TDRD9: variants seen among roughly 807,000 people sequenced by gnomAD.
TDRD9 encodes the protein tudor domain containing 9, also known as ATP-dependent RNA helicase TDRD9.
Under a neutral mutation model 172.6 loss-of-function variants are expected in TDRD9, and 124 were observed. That is an observed-to-expected ratio of 0.72 (90% CI 0.62 to 0.83). The LOEUF (loss-of-function observed/expected upper bound fraction) is 0.83. Ranked by LOEUF, TDRD9 falls within the 40% of genes least tolerant of loss-of-function variation. The pLI is 0.00. For missense variants in TDRD9, 1,479 were observed against 1,714.1 expected (o/e 0.86, Z 2.42); for synonymous variants, 619 against 617.1 (o/e 1.00, Z -0.05).
At chr14:104,022,356 C>T (rs2034982346) in intron 24 of TDRD9, 26 bp downstream of exon 24, 1 of 1,600,108 alleles carries the variant, frequency 6.2e-7, no homozygotes, top group South Asian at 1.1e-5. Context: ...AGGTGGCAGA[C>T]AGGCCGTGCC....
intron 20 of TDRD9, among the ~76,000 whole-genome samples, chr14:104,008,807 G>A (rs1216833007): frequency 6.6e-6 from 1 of 152,188 alleles, no homozygotes; most frequent in Non-Finnish European, 1.5e-5. Flanking sequence ...CCAGCTTCTG[G>A]GAAAGCTGAG....
chr14:104,050,990 C>G (rs1336254820), intron 35 of TDRD9, among the ~76,000 whole-genome samples: 1 of 152,164 alleles, frequency 6.6e-6, no homozygotes, highest in Non-Finnish European at 1.5e-5. Context: ...ATTTTAGATT[C>G]AAGGGGTACA....
chr14:103,939,265 G>A (rs1428380738), intron 1 of TDRD9, among the ~76,000 whole-genome samples: 1 of 152,170 alleles, frequency 6.6e-6, no homozygotes, highest in Non-Finnish European at 1.5e-5. Context: ...ACCAATTCTA[G>A]TACCGGGCTT....
chr14:104,049,561 C>T lies in TDRD9; in HGVS notation c.3975-47C>T, dbSNP rs768606644. On this transcript the variant is annotated intron_variant, in intron 34 of 35. Coordinates refer to ENST00000409874, the MANE Select transcript of TDRD9 (RefSeq NM_153046.3). ...TTTAAAAAAATCACAGCAGTGTTTT[C>T]AGTTACTAATATATAATTAAGATAA... 5 of 1,428,172 alleles carry T rather than the reference C, an allele frequency of 3.5e-6. No homozygotes were observed. The South Asian group carries it at 5.3e-5, about 15-fold the overall frequency. 88.5% of individuals were successfully genotyped at this position (1,428,172 alleles called of 1,614,324 possible).
chr14:103,933,048 G>A (rs1337362312), intron 1 of TDRD9, among the ~76,000 whole-genome samples: 2 of 152,120 alleles, frequency 1.3e-5, no homozygotes, highest in East Asian at 1.9e-4. Flanking sequence ...AGGTGTTGCC[G>A]GAGTGCCTGT....
chr14:103,948,621 TACTC>T lies in TDRD9; in HGVS notation c.216-7041_216-7038del, dbSNP rs2031697957. Reference sequence around the variant, plus strand: ...TGTCCATATCCATAGAAAGGAGTATTACTCAGCCTTGAAAAGGAAGAAAATTCTG... The same window carrying T: ...TGTCCATATCCATAGAAAGGAGTATTAGCCTTGAAAAGGAAGAAAATTCTG... On this transcript the variant is annotated intron_variant, in intron 1 of 35. Transcript: ENST00000409874. Among the ~76,000 whole-genome samples, 5 of 152,230 alleles carry T rather than the reference TACTC, an allele frequency of 3.3e-5. No individual in the cohort carries two copies. In the South Asian group the frequency reaches 1.0e-3, roughly 32 times the overall value.
intron 1 of TDRD9, among the ~76,000 whole-genome samples, chr14:103,945,788 T>A (rs748528169): frequency 1.3e-5 from 2 of 152,134 alleles, no homozygotes; most frequent in Non-Finnish European, 2.9e-5. Context: ...TTAAGATCTG[T>A]AAGGAAGTAC....
At chr14:104,000,996 T>A (rs970946389) in intron 13 of TDRD9, among the ~76,000 whole-genome samples, 5 of 152,256 alleles carry the variant, frequency 3.3e-5, no homozygotes, top group Non-Finnish European at 5.9e-5. Flanking sequence ...CCTTCTCTTA[T>A]CTTCCCCTGG....
intron 1 of TDRD9, among the ~76,000 whole-genome samples, chr14:103,934,668 G>A (rs909885984): frequency 2.0e-5 from 3 of 152,226 alleles, no homozygotes; most frequent in South Asian, 2.1e-4. Flanking sequence ...TGTAGTCCCC[G>A]CTACTCGGGA....
At chr14:103,943,380 G>T (rs1221417889) in intron 1 of TDRD9, among the ~76,000 whole-genome samples, 1 of 150,656 alleles carries the variant, frequency 6.6e-6, no homozygotes, top group Non-Finnish European at 1.5e-5. Flanking sequence ...GTACATATGT[G>T]TATGTATTTT....
intron 7 of TDRD9, among the ~76,000 whole-genome samples, chr14:103,979,178 A>C: frequency 6.6e-6 from 1 of 152,142 alleles, no homozygotes; most frequent in East Asian, 1.9e-4. Flanking sequence ...ACTTAACATA[A>C]TGTCCTCCAG....
chr14:103,935,693 G>A (rs749738088), intron 1 of TDRD9, among the ~76,000 whole-genome samples: 2 of 152,120 alleles, frequency 1.3e-5, no homozygotes, highest in Non-Finnish European at 2.9e-5. Context: ...GTGCTTCAGT[G>A]TTTATAGGTG....
chr14:103,997,091 A>G lies in TDRD9; in HGVS notation c.1378+1284A>G, dbSNP rs963210336. Among the ~76,000 whole-genome samples, 45 of 152,198 alleles carry G rather than the reference A, an allele frequency of 3.0e-4. No individual in the cohort carries two copies. The highest frequency in any genetic ancestry group is 7.2e-5 in the African/African-American group (3 of 41,442). The stretch of plus-strand genomic sequence containing the variant: ...TGCAGGGCCCATAGGACCTGGTACA[A>G]CCTTGCTGTGCTGGGCAAGATGGAA... On this transcript the variant is annotated intron_variant, in intron 12 of 35. Transcript: ENST00000409874. The surrounding 1 kb of genome is among the most constrained non-coding windows in gnomAD (Gnocchi z 5.1).
At position 103,995,122 on chromosome 14, in the gene TDRD9, G is replaced by A. The variant is rs1287638125; in HGVS notation, c.1320+519G>A. Among the ~76,000 whole-genome samples the A allele has an allele frequency of 2.6e-5, 4 of 152,228 alleles. No individual in the cohort carries two copies. In the South Asian group the frequency reaches 8.3e-4, roughly 32 times the overall value. ...AAGATTTTTTGTTTTCTCAATTCAG[G>A]AATTCTGGTGCCTTTTAATTCTTCT... On this transcript the variant is annotated intron_variant, in intron 11 of 35. Transcript: ENST00000409874.
chr14:103,956,076 C>CT (rs2032179738), intron 2 of TDRD9, among the ~76,000 whole-genome samples: 1 of 69,072 alleles, frequency 1.4e-5, no homozygotes, highest in African/African-American at 7.4e-5. Context: ...GAGACCCTCT[C>CT]TTTAAAAAAA....
At chr14:103,934,410 T>C (rs988234747) in intron 1 of TDRD9, among the ~76,000 whole-genome samples, 3 of 152,206 alleles carry the variant, frequency 2.0e-5, no homozygotes, top group African/African-American at 7.2e-5. Context: ...GTTCTCTGTA[T>C]GTACTATGTG....
At chr14:103,979,125 A>G (rs1217482662) in intron 7 of TDRD9, among the ~76,000 whole-genome samples, 3 of 152,068 alleles carry the variant, frequency 2.0e-5, no homozygotes, top group Non-Finnish European at 4.4e-5. Context: ...TAGCTTCCAC[A>G]TGAGAACATG....
chr14:104,025,530 A>G, intron 25 of TDRD9, 34 bp from the exon 26 acceptor site: 1 of 1,585,984 alleles, frequency 6.3e-7, no homozygotes, highest in Non-Finnish European at 8.6e-7. Context: ...AGTCCTTTCT[A>G]GATTTCATCT....
chr14:104,032,327 C>T (rs2035309287), intron 30 of TDRD9, among the ~76,000 whole-genome samples: 1 of 152,124 alleles, frequency 6.6e-6, no homozygotes, highest in Admixed American at 6.5e-5. Flanking sequence ...CTGCCTCAGC[C>T]TCCTGAGTAG....
Sources: allele counts gnomAD v4.1 joint callset (sites outside exome capture counted in the v4.1 genomes callset), GRCh38; gene constraint gnomAD v4.1.1; non-coding constraint Gnocchi (gnomAD v3.1); transcripts MANE v1.5; gene names NCBI Gene and HGNC (gene_info 2026-07-23, HGNC 2026-07-21).